PCNX2: variants seen among roughly 807,000 people sequenced by gnomAD.
PCNX2 encodes pecanex-like protein 2.
In PCNX2, 168 loss-of-function variants were observed where a neutral mutation model predicts 223.8. The ratio of observed to expected loss-of-function variants is 0.75; its 90% CI spans 0.66 to 0.85. The LOEUF is 0.85. PCNX2 is among the 40% of genes least tolerant of loss of function. The pLI is 0.00. For missense variants in PCNX2, 2,507 were observed against 2,675.5 expected (o/e 0.94, Z 1.39); for synonymous variants, 1,006 against 1,052.6 (o/e 0.96, Z 0.86).
At chr1:233,002,391 G>T (rs564849716) in intron 28 of PCNX2, among the ~76,000 whole-genome samples, 8 of 152,202 alleles carry the variant, frequency 5.3e-5, no homozygotes, top group African/African-American at 7.2e-5. Context: ...AATAATGAGT[G>T]AACTCCCATT....
chr1:233,318,781 G>A, the PCNX2 span, among the ~76,000 whole-genome samples: 1 of 151,922 alleles, frequency 6.6e-6, no homozygotes, highest in Non-Finnish European at 1.5e-5. Flanking sequence ...TGACCAGGCT[G>A]GTCTCAAACT....
At chr1:233,233,298 A>G (rs1364923619) in intron 9 of PCNX2, among the ~76,000 whole-genome samples, 1 of 152,184 alleles carries the variant, frequency 6.6e-6, no homozygotes, top group East Asian at 1.9e-4. Context: ...AAACCCCTGA[A>G]TGCCAATCTT....
At chr1:233,063,189 T>C (rs1344553056) in intron 23 of PCNX2, among the ~76,000 whole-genome samples, 1 of 152,130 alleles carries the variant, frequency 6.6e-6, no homozygotes, top group African/African-American at 2.4e-5. Context: ...TGAGCCAAGA[T>C]TGTACCACTG....
At chr1:233,267,856 T>G (rs11581457) in intron 1 of PCNX2, among the ~76,000 whole-genome samples, 15,097 of 152,224 alleles carry the variant, frequency 0.099, 918 homozygotes, top group South Asian at 0.19. Context: ...AAGCCCTGCT[T>G]TCAGTTCTTT....
At chr1:233,006,382 G>C (rs1670285942) in intron 28 of PCNX2, among the ~76,000 whole-genome samples, 1 of 152,110 alleles carries the variant, frequency 6.6e-6, no homozygotes, top group African/African-American at 2.4e-5. Context: ...GGGGAGGCTG[G>C]GGCCTCAGTG....
chr1:233,084,341 A>G (rs1007163739), intron 23 of PCNX2, among the ~76,000 whole-genome samples: 2 of 152,232 alleles, frequency 1.3e-5, no homozygotes. Context: ...ATACTTTTGC[A>G]GACCAGTCAC....
At chr1:233,274,773 C>T (rs1040441312) in intron 1 of PCNX2, among the ~76,000 whole-genome samples, 33 of 152,234 alleles carry the variant, frequency 2.2e-4, no homozygotes, top group African/African-American at 8.0e-4. Context: ...GAATCACAGA[C>T]ATGCGGTATT....
chr1:233,256,401 A>G (rs1659736790), intron 5 of PCNX2, among the ~76,000 whole-genome samples: 1 of 152,212 alleles, frequency 6.6e-6, no homozygotes, highest in Non-Finnish European at 1.5e-5. Flanking sequence ...AAGCTCAACC[A>G]GCTGGTATTA....
chr1:233,288,365 T>A (rs991697738), intron 1 of PCNX2, among the ~76,000 whole-genome samples: 1 of 151,912 alleles, frequency 6.6e-6, no homozygotes, highest in African/African-American at 2.4e-5. Context: ...TGGGGGGAAA[T>A]CTCAAGAAGC....
chr1:233,227,167 G>A, intron 10 of PCNX2, 59 bp downstream of exon 10: 2 of 1,507,878 alleles, frequency 1.3e-6, no homozygotes, highest in African/African-American at 1.4e-5. Context: ...GCATGCAGTG[G>A]GCACTGTCAC....
upstream of PCNX2, among the ~76,000 whole-genome samples, chr1:233,297,926 G>A (rs756021605): frequency 6.6e-6 from 1 of 152,154 alleles, no homozygotes; most frequent in African/African-American, 2.4e-5. Context: ...GATAAGGAAT[G>A]TAATGATTTT....
intron 10 of PCNX2, among the ~76,000 whole-genome samples, chr1:233,218,914 A>T (rs1411657859): frequency 6.6e-6 from 1 of 152,168 alleles, no homozygotes; most frequent in Non-Finnish European, 1.5e-5. Flanking sequence ...AATCATTTCC[A>T]GATAAAACTT....
intron 21 of PCNX2, among the ~76,000 whole-genome samples, chr1:233,113,351 G>T (rs1034401034): frequency 2.0e-5 from 3 of 152,158 alleles, no homozygotes; most frequent in Non-Finnish European, 4.4e-5. Flanking sequence ...ACCTTGAGAA[G>T]CCAGAGGAGG....
intron 28 of PCNX2, among the ~76,000 whole-genome samples, chr1:233,007,496 T>C (rs1670325174): frequency 6.6e-6 from 1 of 152,064 alleles, no homozygotes; most frequent in African/African-American, 2.4e-5. Flanking sequence ...CTAGCAAACA[T>C]GGAGTTGCTT....
intron 13 of PCNX2, among the ~76,000 whole-genome samples, chr1:233,206,064 G>GGGGATGAGAAA (rs1387553787): frequency 1.3e-5 from 2 of 152,070 alleles, no homozygotes; most frequent in African/African-American, 2.4e-5. Context: ...TGTGTGAGAA[G>GGGGATGAGAAA]GGGATGAGAA....
At chr1:233,224,483 T>G (rs1275681394) in intron 10 of PCNX2, among the ~76,000 whole-genome samples, 1 of 152,244 alleles carries the variant, frequency 6.6e-6, no homozygotes, top group Non-Finnish European at 1.5e-5. Flanking sequence ...CAATGATTAC[T>G]GCAATTTTAG....
intron 1 of PCNX2, among the ~76,000 whole-genome samples, chr1:233,272,854 A>G (rs374780299): frequency 1.6e-4 from 25 of 152,208 alleles, no homozygotes; most frequent in African/African-American, 6.0e-4. Context: ...AGCAACCTGG[A>G]TGGAATTGGA....
rs931223738 is a variant in PCNX2 at position 233,285,115 on chromosome 1, G to A, written c.153+10211C>T. 2.8e-5 allele frequency: 18 copies of A among 645,334 alleles called. No individual in the cohort carries two copies. The African/African-American group carries it at 3.4e-4, about 12-fold the overall frequency. 40.0% of individuals were successfully genotyped at this position (645,334 alleles called of 1,614,324 possible). A position where few individuals can be genotyped will look rare whatever the true frequency, so the allele number is the denominator to read the frequency against. ...CGCCTGTAATCCCAACACTTCGGGAGGCCAAAGTGAGAGGATTGCTTGAGG... is the reference window on the plus strand; with the variant it reads ...CGCCTGTAATCCCAACACTTCGGGAAGCCAAAGTGAGAGGATTGCTTGAGG... On this transcript the variant is annotated intron_variant, in intron 1 of 33. Coordinates refer to ENST00000258229, the MANE Select transcript of PCNX2 (RefSeq NM_014801.4).
At chr1:233,259,451 G>A in intron 4 of PCNX2, 107 bp from the exon 5 acceptor site, 2 of 1,382,464 alleles carry the variant, frequency 1.4e-6, no homozygotes, top group Non-Finnish European at 1.9e-6. Context: ...AGCAACTAAT[G>A]GAATTAGATA....
Sources: allele counts gnomAD v4.1 joint callset (sites outside exome capture counted in the v4.1 genomes callset), GRCh38; gene constraint gnomAD v4.1.1; transcripts MANE v1.5; gene names NCBI Gene and HGNC (gene_info 2026-07-23, HGNC 2026-07-21).